SLC5A1: variants seen among roughly 807,000 people sequenced by gnomAD.
SLC5A1 encodes sodium/glucose cotransporter 1.
A neutral mutation model predicts 73.5 loss-of-function variants in SLC5A1; 42 were observed. The observed-to-expected ratio is 0.57, with a 90% CI of 0.45 to 0.74. The LOEUF (loss-of-function observed/expected upper bound fraction) is 0.74. Among genes scored for constraint, SLC5A1 ranks in the 30% least tolerant of loss-of-function variants. SLC5A1 has a pLI of 0.00. For missense variants in SLC5A1, 634 were observed against 855.4 expected (o/e 0.74, Z 3.23); for synonymous variants, 300 against 317.4 (o/e 0.95, Z 0.58).
chr22:32,058,816 C>T (rs2093955871), intron 2 of SLC5A1, among the ~76,000 whole-genome samples: 1 of 152,188 alleles, frequency 6.6e-6, no homozygotes, highest in Non-Finnish European at 1.5e-5. Flanking sequence ...ACTTCATAGT[C>T]TCCAGTATAC....
At chr22:32,104,120 C>T (rs955033144) in intron 13 of SLC5A1, among the ~76,000 whole-genome samples, 7 of 152,192 alleles carry the variant, frequency 4.6e-5, no homozygotes, top group Non-Finnish European at 8.8e-5. Context: ...ACAAACCTAA[C>T]GTCAAACAAA....
chr22:32,077,686 G>A (rs574732962), intron 5 of SLC5A1, among the ~76,000 whole-genome samples: 1 of 152,088 alleles, frequency 6.6e-6, no homozygotes, highest in Non-Finnish European at 1.5e-5. Flanking sequence ...ATTATTTGTA[G>A]AAAAGAAATA....
At chr22:32,086,136 G>A (rs565162889) in intron 9 of SLC5A1, 84 bp from the exon 10 acceptor site, 24 of 845,074 alleles carry the variant, frequency 2.8e-5, no homozygotes, top group African/African-American at 1.7e-4. Context: ...GTGAGACTCC[G>A]TCTCAAAAAA....
intron 2 of SLC5A1, among the ~76,000 whole-genome samples, chr22:32,053,125 C>A (rs1343427758): frequency 6.6e-6 from 1 of 152,154 alleles, no homozygotes; most frequent in Non-Finnish European, 1.5e-5. Context: ...TATGTTTCCT[C>A]ACTCTCAGGC....
intron 4 of SLC5A1, among the ~76,000 whole-genome samples, 197 bp from the exon 5 acceptor site, chr22:32,068,299 G>T (rs2093977380): frequency 6.6e-6 from 1 of 152,184 alleles, no homozygotes; most frequent in African/African-American, 2.4e-5. Context: ...CAGTGGTAGG[G>T]CATATGGGAT....
chr22:32,096,628 G>C (rs1349041389), intron 11 of SLC5A1, among the ~76,000 whole-genome samples: 2 of 152,120 alleles, frequency 1.3e-5, no homozygotes, highest in Non-Finnish European at 2.9e-5. Context: ...AATGCAATAG[G>C]GTCCTGAAAG....
intron 14 of SLC5A1, among the ~76,000 whole-genome samples, chr22:32,105,198 A>G (rs947954156): frequency 2.2e-4 from 34 of 152,152 alleles, no homozygotes; most frequent in Admixed American, 1.6e-3. Flanking sequence ...GCATGCAATC[A>G]TGCCTGCAAG....
At chr22:32,047,931 C>T (rs767580962) in intron 1 of SLC5A1, among the ~76,000 whole-genome samples, 7 of 152,090 alleles carry the variant, frequency 4.6e-5, no homozygotes, top group Non-Finnish European at 7.4e-5. Context: ...GAAGCCGAGG[C>T]GGGCAGATCA....
At chr22:32,045,056 A>G (rs963385670) in intron 1 of SLC5A1, among the ~76,000 whole-genome samples, 15 of 152,164 alleles carry the variant, frequency 9.9e-5, no homozygotes, top group African/African-American at 3.1e-4. Context: ...ACAATAGATG[A>G]AATTGTTCCT....
In SLC5A1 at chr22:32,102,304, T is replaced by A. The variant is rs530963053; in HGVS notation, c.1665+67T>A. ...CACTGCAATGTTCTTTAATTTTTTT[T>A]AAATTTTTCATTATTATGGGTACAT... On this transcript the variant is annotated intron_variant, in intron 13 of 14. Coordinates refer to ENST00000266088, the MANE Select transcript of SLC5A1 (RefSeq NM_000343.4). 436 of 1,242,862 alleles carry A rather than the reference T, an allele frequency of 3.5e-4. 2 individuals are homozygous for A. The highest frequency in any genetic ancestry group is 5.2e-4 in the Admixed American group (31 of 59,328). The allele number at this position is 1,242,862 out of a possible 1,614,324, so 77.0% of individuals were successfully genotyped here. A position where few individuals can be genotyped will look rare whatever the true frequency, so the allele number is the denominator to read the frequency against.
chr22:32,071,320 GTGTGCACCTGT>G (rs1569306156), intron 5 of SLC5A1, among the ~76,000 whole-genome samples: 1 of 152,164 alleles, frequency 6.6e-6, no homozygotes, highest in African/African-American at 2.4e-5. Context: ...AGGCATGGTG[GTGTGCACCTGT>G]TGTCACAGTT....
Position 32,110,040 on chromosome 22 carries a change from C to T in SLC5A1, c.1822C>T (p.Leu608=). Residue 608 remains leucine, a synonymous_variant, in exon 15 of 15, where the codon CTA becomes TTA. Transcript: ENST00000266088. ...AGGAATCTTCAGGAGAGCCTATGAC[C>T]TATTTTGTGGGCTAGAGCAGCACGG... is the stretch of plus-strand genomic sequence containing the variant. ...KKGIFRRAYD[L]FCGLEQHGAP... 3 of 1,614,110 alleles carry T rather than the reference C, an allele frequency of 1.9e-6. No homozygotes were observed.
chr22:32,098,815 G>A (rs927761131), intron 11 of SLC5A1, among the ~76,000 whole-genome samples: 2 of 151,962 alleles, frequency 1.3e-5, no homozygotes, highest in Admixed American at 6.6e-5. Context: ...GGCCGGGTGC[G>A]GTGGCTCACG....
chr22:32,100,190 A>G (rs983721633), intron 12 of SLC5A1, among the ~76,000 whole-genome samples: 1 of 152,190 alleles, frequency 6.6e-6, no homozygotes, highest in African/African-American at 2.4e-5. Context: ...AAGATGGAAG[A>G]TGTGGCTGGA....
chr22:32,075,315 C>T (rs1280397449), intron 5 of SLC5A1, among the ~76,000 whole-genome samples: 1 of 152,120 alleles, frequency 6.6e-6, no homozygotes, highest in Non-Finnish European at 1.5e-5. Flanking sequence ...AAAGCCAGAA[C>T]TGGGAGCAGG....
intron 2 of SLC5A1, among the ~76,000 whole-genome samples, chr22:32,061,318 G>A (rs367965086): frequency 6.6e-6 from 1 of 152,050 alleles, no homozygotes; most frequent in Non-Finnish European, 1.5e-5. Context: ...GGGAGACTGA[G>A]TCAGGAGAAT....
At position 32,111,869 on chromosome 22, in the gene SLC5A1, T is replaced by C. The variant is rs2094057731; in HGVS notation, c.*1656T>C. The C allele has an allele frequency of 6.6e-6, 1 of 152,188 alleles. No homozygotes were observed. The highest frequency in any genetic ancestry group is 2.1e-4 in the South Asian group (1 of 4,824). The allele number at this position is 152,188 out of a possible 1,614,324, so 9.4% of individuals were successfully genotyped here. On this transcript the variant is annotated 3_prime_UTR_variant, in exon 15 of 15. Transcript: ENST00000266088. ...ATTCAAGGACCAGGTTCCCTTGTGC[T>C]CAGGGTGAAGTAGAACCAGAAAACA...
In SLC5A1 at chr22:32,112,390, G is replaced by A. The variant is rs1040282839; in HGVS notation, c.*2177G>A. The A allele has an allele frequency of 4.6e-5, 7 of 152,118 alleles. No homozygotes were observed. Among genetic ancestry groups the A allele is most frequent in the African/African-American group, 1.7e-4 (7 of 41,396 alleles). 9.4% of individuals were successfully genotyped at this position (152,118 alleles called of 1,614,324 possible). On this transcript the variant is annotated 3_prime_UTR_variant, in exon 15 of 15. Transcript: ENST00000266088. ...CTCTCTGAACCTCAGGTTCCTCCAAGCATAATGCAGACTTCACAGAGCTGT... is the reference window on the plus strand; with the variant it reads ...CTCTCTGAACCTCAGGTTCCTCCAAACATAATGCAGACTTCACAGAGCTGT...
chr22:32,049,871 G>C, intron 1 of SLC5A1, 72 bp from the exon 2 acceptor site: 1 of 1,147,196 alleles, frequency 8.7e-7, no homozygotes, highest in South Asian at 1.2e-5. Context: ...CACGAATGGG[G>C]AGGTATGTCC....
Sources: gnomAD v4.1 joint callset for allele counts (sites outside exome capture counted in the v4.1 genomes callset) on GRCh38, gnomAD v4.1.1 for gene constraint, MANE v1.5 for transcripts, NCBI Gene and HGNC (gene_info 2026-07-23, HGNC 2026-07-21) for gene names.